The following PHF8 variants were observed in gnomAD, a reference collection of about 807,000 sequenced individuals.
PHF8 encodes the protein PHD finger protein 8, also known as histone lysine demethylase PHF8.
Under a neutral mutation model 74.4 loss-of-function variants are expected in PHF8, and 9 were observed. That is an observed-to-expected ratio of 0.12 (90% CI 0.07 to 0.21). The LOEUF (loss-of-function observed/expected upper bound fraction) is 0.21, where lower values mean the gene tolerates loss of function less well. Among genes scored for constraint, PHF8 ranks in the 10% least tolerant of loss-of-function variants. The pLI, the probability that PHF8 is intolerant of heterozygous loss-of-function variation, is 1.00. For synonymous variants in PHF8, 311 were observed against 316.6 expected (o/e 0.98, Z 0.19); for missense variants, 478 against 816.6 (o/e 0.59, Z 5.05).
intron 10 of PHF8, 30 bp downstream of exon 10, chrX:54,002,124 CA>C: frequency 1.2e-6 from 1 of 859,342 alleles, no homozygotes; most frequent in Non-Finnish European, 1.7e-6. Flanking sequence ...GGGAGAGGGG[CA>C]AAAAGGACAG....
At chrX:54,037,742 A>G (rs2066487609) in intron 2 of PHF8, among the ~76,000 whole-genome samples, 1 of 112,647 alleles carries the variant, frequency 8.9e-6, no homozygotes, top group Non-Finnish European at 1.9e-5. Flanking sequence ...TAACTACTAA[A>G]TGGAATAATT....
chrX:53,992,835 T>G lies in PHF8; in HGVS notation c.1631A>C (p.Asn544Thr). The G allele has an allele frequency of 8.5e-7, 1 of 1,171,668 alleles. No homozygotes were observed. Among genetic ancestry groups the G allele is most frequent in the Non-Finnish European group, 1.2e-6 (1 of 860,213 alleles). ...GTCATTCAAGCAGGCACCAGTGATGTTGAACTGTAGAAGTAGGAGACTCAG... is the reference window on the plus strand; with the variant it reads ...GTCATTCAAGCAGGCACCAGTGATGGTGAACTGTAGAAGTAGGAGACTCAG... ...KTGSFQKAKF[N>T]ITGACLNDSD... Residue 544 changes from asparagine to threonine, a missense_variant, in exon 14 of 22, where the codon AAC (asparagine) becomes ACC (threonine). Asn to Thr is a moderately conservative substitution (Grantham distance 65). This residue lies in a region of PHF8 where 153 missense variants were observed against 164.8 expected (regional missense o/e 0.93). Coordinates refer to ENST00000338154, the MANE Select transcript of PHF8 (RefSeq NM_015107.3).
rs2066604983 is a variant in PHF8 at position 54,043,872 on chromosome X, G to A, written c.-203C>T. The A allele has an allele frequency of 5.3e-6, 4 of 753,433 alleles. No individual in the cohort carries two copies. Among genetic ancestry groups the A allele is most frequent in the Non-Finnish European group, 6.3e-6 (4 of 638,036 alleles). The allele number at this position is 753,433 out of a possible 1,213,427, so 62.1% of individuals were successfully genotyped here. A position where few individuals can be genotyped will look rare whatever the true frequency, so the allele number is the denominator to read the frequency against. ...GACCTCCTCATGCTTTGGGCTGCAA[G>A]GACTCCACGCCCGCGGAGCTCAGCC... On this transcript the variant is annotated 5_prime_UTR_variant, in exon 1 of 22. Coordinates refer to ENST00000338154, the MANE Select transcript of PHF8 (RefSeq NM_015107.3).
intron 18 of PHF8, among the ~76,000 whole-genome samples, chrX:53,984,544 G>A (rs932039770): frequency 4.5e-4 from 50 of 111,569 alleles, no homozygotes; most frequent in African/African-American, 1.5e-3. Flanking sequence ...GGACAAACTG[G>A]CCAACGCAGG....
At chrX:53,978,083 CT>C (rs1201188033) in intron 18 of PHF8, among the ~76,000 whole-genome samples, 1 of 108,432 alleles carries the variant, frequency 9.2e-6, no homozygotes, top group Non-Finnish European at 1.9e-5. Context: ...GTAGCTGGGA[CT>C]ACAGGCACAT....
rs781968284 is a variant in PHF8 at position 53,983,892 on chromosome X, T to C, written c.2443+1022A>G. On this transcript the variant is annotated intron_variant, in intron 18 of 21. Coordinates refer to ENST00000338154, the MANE Select transcript of PHF8 (RefSeq NM_015107.3). ...AGAACCACACACACTAAAACTACAC[T>C]TCTGTCTACATATGAATGTAAACAC... Among the ~76,000 whole-genome samples, 18 of 112,149 alleles carry C rather than the reference T, an allele frequency of 1.6e-4. No individual in the cohort carries two copies. The South Asian group carries it at 6.7e-3, about 41-fold the overall frequency.
chrX:54,030,556 C>CA (rs1175639293), intron 2 of PHF8, among the ~76,000 whole-genome samples: 1 of 111,832 alleles, frequency 8.9e-6, no homozygotes, highest in East Asian at 2.8e-4. Context: ...GAGCGGGAGA[C>CA]AGAGAGGCAG....
At chrX:53,949,546 C>T (rs1257192209) in intron 19 of PHF8, among the ~76,000 whole-genome samples, 1 of 109,700 alleles carries the variant, frequency 9.1e-6, no homozygotes, top group Non-Finnish European at 1.9e-5. Flanking sequence ...GGCGCTGTGG[C>T]TCATGCCTGT....
chrX:53,959,698 C>T lies in PHF8; in HGVS notation c.2539+3146G>A, dbSNP rs782745079. On this transcript the variant is annotated intron_variant, in intron 19 of 21. Coordinates refer to ENST00000338154, the MANE Select transcript of PHF8 (RefSeq NM_015107.3). Reference sequence around the variant, plus strand: ...CTAACATGGCAAAACCCCATCTCTACTAAAAATACAAAAAAATTAGCTGGG... The same window carrying T: ...CTAACATGGCAAAACCCCATCTCTATTAAAAATACAAAAAAATTAGCTGGG... Among the ~76,000 whole-genome samples, 3 of 107,986 alleles carry T rather than the reference C, an allele frequency of 2.8e-5. No homozygotes were observed. In the South Asian group the frequency reaches 1.2e-3, roughly 45 times the overall value. The allele number at this position is 107,986 out of a possible 115,157, so 93.8% of individuals were successfully genotyped here.
At chrX:53,952,079 T>A (rs1172173396) in intron 19 of PHF8, among the ~76,000 whole-genome samples, 1 of 107,323 alleles carries the variant, frequency 9.3e-6, no homozygotes, top group Non-Finnish European at 1.9e-5. Context: ...AGGTCAAGAG[T>A]TCGAGACCAG....
Position 54,042,816 on chromosome X carries a change from G to T in PHF8, c.-88C>A, listed in dbSNP as rs1326111868. 2 of 1,141,207 alleles carry T rather than the reference G, an allele frequency of 1.8e-6. No individual in the cohort carries two copies. The highest frequency in any genetic ancestry group is 2.3e-6 in the Non-Finnish European group (2 of 855,579). 94.0% of individuals were successfully genotyped at this position (1,141,207 alleles called of 1,213,427 possible). Reference sequence around the variant, plus strand: ...GCGGCAGCACGCGTCCTCTCTGGACGATAGCTAGGCACAAATAACACTTTT... The same window carrying T: ...GCGGCAGCACGCGTCCTCTCTGGACTATAGCTAGGCACAAATAACACTTTT... On this transcript the variant is annotated 5_prime_UTR_variant, in exon 2 of 22. Coordinates refer to ENST00000338154, the MANE Select transcript of PHF8 (RefSeq NM_015107.3).
At position 53,949,551 on chromosome X, in the gene PHF8, GC is replaced by G. The variant is rs781946625; in HGVS notation, c.2540-5309del. Among the ~76,000 whole-genome samples, 7 of 109,855 alleles carry G rather than the reference GC, an allele frequency of 6.4e-5. No homozygotes were observed. In the South Asian group the frequency reaches 2.7e-3, roughly 43 times the overall value. ...ATGTTGGCCGGGCGCTGTGGCTCAT[GC>G]CTGTAATCCCAGCACTTTGGGAGGC... On this transcript the variant is annotated intron_variant, in intron 19 of 21. Coordinates refer to ENST00000338154, the MANE Select transcript of PHF8 (RefSeq NM_015107.3).
At chrX:54,002,458 G>C (rs2065840901) in intron 9 of PHF8, 137 bp downstream of exon 9, 1 of 552,011 alleles carries the variant, frequency 1.8e-6, no homozygotes. Flanking sequence ...GTGCAGAAAA[G>C]GTGTTAATCT....
chrX:53,942,118 C>G (rs2064760333), intron 20 of PHF8, among the ~76,000 whole-genome samples: 1 of 112,083 alleles, frequency 8.9e-6, no homozygotes, highest in Admixed American at 9.5e-5. Flanking sequence ...GACAGAACCA[C>G]TTTCACCTTG....
chrX:53,966,577 C>T (rs1456986168), intron 18 of PHF8, among the ~76,000 whole-genome samples: 7 of 111,861 alleles, frequency 6.3e-5, no homozygotes, highest in Non-Finnish European at 1.3e-4. Context: ...GATCTCGGCT[C>T]GCTACAACCT....
intron 2 of PHF8, among the ~76,000 whole-genome samples, chrX:54,033,518 G>C (rs185824077): frequency 1.8e-5 from 2 of 111,337 alleles, no homozygotes; most frequent in African/African-American, 6.5e-5. Flanking sequence ...TTCGAGACCA[G>C]CCTGGCCAAC....
At chrX:53,976,729 GAAAA>G (rs1164621912) in intron 18 of PHF8, among the ~76,000 whole-genome samples, 1 of 101,415 alleles carries the variant, frequency 9.9e-6, no homozygotes, top group Admixed American at 1.1e-4. Flanking sequence ...AATGGCAAAG[GAAAA>G]AAAAAAGAGA....
At chrX:53,996,430 ATTTT>A (rs782755270) in intron 11 of PHF8, among the ~76,000 whole-genome samples, 1 of 96,684 alleles carries the variant, frequency 1.0e-5, no homozygotes. Context: ...ATTTTTTGTA[ATTTT>A]TTTTTTTTTT....
At position 54,014,579 on chromosome X, in the gene PHF8, T is replaced by C; in HGVS notation, c.597-16A>G. 2.6e-6 allele frequency: 3 copies of C among 1,147,212 alleles called. No individual in the cohort carries two copies. The highest frequency in any genetic ancestry group is 3.6e-6 in the Non-Finnish European group (3 of 838,626). 94.5% of individuals were successfully genotyped at this position (1,147,212 alleles called of 1,213,427 possible). ...GTTAGAAAGTCTACCAAGGAAGGGG[T>C]GGAGAGCAGATGTCAGCTGATTAGG... On this transcript the variant is annotated splice_polypyrimidine_tract_variant and intron_variant, in intron 6 of 21. Coordinates refer to ENST00000338154, the MANE Select transcript of PHF8 (RefSeq NM_015107.3).
Sources: gnomAD v4.1 joint callset for allele counts (sites outside exome capture counted in the v4.1 genomes callset) on GRCh38, gnomAD v4.1.1 for gene constraint, gnomAD v4.1.1 regional missense constraint, MANE v1.5 for transcripts, NCBI Gene and HGNC (gene_info 2026-07-23, HGNC 2026-07-21) for gene names.